The following ABLIM1 variants were observed in gnomAD, a reference collection of about 807,000 sequenced individuals.
The protein encoded by ABLIM1 is actin binding LIM protein 1, also known as actin-binding LIM protein 1.
In ABLIM1, 40 loss-of-function variants were observed where a neutral mutation model predicts 107.0. The observed-to-expected ratio is 0.37, with a 90% CI of 0.29 to 0.49. The LOEUF is 0.49. Ranked by LOEUF, ABLIM1 falls within the 20% of genes least tolerant of loss-of-function variation. The pLI, the probability that ABLIM1 is intolerant of heterozygous loss-of-function variation, is 0.97. For missense variants in ABLIM1, 857 were observed against 1,008.5 expected (o/e 0.85, Z 2.04); for synonymous variants, 357 against 357.3 (o/e 1.00, Z 0.01).
intron 12 of ABLIM1, among the ~76,000 whole-genome samples, chr10:114,454,185 T>C (rs2062393659): frequency 6.6e-6 from 1 of 152,180 alleles, no homozygotes; most frequent in Admixed American, 6.5e-5. Context: ...ATTGAACACC[T>C]ACTATGGCTG....
chr10:114,493,435 T>C (rs1265467870), intron 6 of ABLIM1, among the ~76,000 whole-genome samples: 2 of 152,204 alleles, frequency 1.3e-5, no homozygotes, highest in Admixed American at 6.5e-5. Flanking sequence ...GTATTTATCA[T>C]ATTTAGTGGT....
At chr10:114,599,890 C>T (rs951145514) in intron 2 of ABLIM1, among the ~76,000 whole-genome samples, 9 of 151,994 alleles carry the variant, frequency 5.9e-5, no homozygotes, top group African/African-American at 2.2e-4. Context: ...CCAAATCTAT[C>T]CTTTGAGCCA....
intron 1 of ABLIM1, among the ~76,000 whole-genome samples, chr10:114,670,546 T>G (rs566573804): frequency 7.9e-5 from 12 of 152,280 alleles, no homozygotes. Context: ...CATCCAGGAG[T>G]GCAGCAACTC....
At chr10:114,777,200 G>A in the ABLIM1 span, among the ~76,000 whole-genome samples, 1 of 151,886 alleles carries the variant, frequency 6.6e-6, no homozygotes, top group African/African-American at 2.4e-5. Flanking sequence ...TCTTTGCTGT[G>A]TTCTGCCTGT....
chr10:114,493,949 C>CT (rs1415859844), intron 6 of ABLIM1, among the ~76,000 whole-genome samples: 3 of 152,158 alleles, frequency 2.0e-5, no homozygotes, highest in Admixed American at 2.0e-4. Context: ...AAAAAATACA[C>CT]TTTTTTGTGA....
intron 1 of ABLIM1, among the ~76,000 whole-genome samples, chr10:114,622,410 G>A (rs960107853): frequency 2.6e-5 from 4 of 151,810 alleles, no homozygotes; most frequent in Non-Finnish European, 4.4e-5. Flanking sequence ...CACCATGCAT[G>A]GCTAAATTTT....
intron 1 of ABLIM1, among the ~76,000 whole-genome samples, chr10:114,670,455 T>G (rs2080202631): frequency 6.6e-6 from 1 of 152,226 alleles, no homozygotes; most frequent in Admixed American, 6.5e-5. Flanking sequence ...ATACAATCCC[T>G]CCATCCAGAA....
rs200097045 is a variant in ABLIM1, at chr10:114,615,992, C to A, written c.245-14031G>T. 3.3e-5 allele frequency among the ~76,000 whole-genome samples: 5 copies of A among 152,226 alleles called. No homozygotes were observed. The East Asian group carries it at 9.6e-4, about 29-fold the overall frequency. On this transcript the variant is annotated intron_variant, in intron 1 of 22. Transcript: ENST00000533213. ...AAAGCTAAGTGGCATGTCCCCAGAA[C>A]AGGACATGATGAGTAGTGTTCTACT...
rs192128032 is a variant in ABLIM1, at chr10:114,629,645, G to A, written c.245-27684C>T. Among the ~76,000 whole-genome samples the A allele has an allele frequency of 1.3e-4, 20 of 152,218 alleles. No homozygotes were observed. The highest frequency in any genetic ancestry group is 5.2e-4 in the Admixed American group (8 of 15,288). On this transcript the variant is annotated intron_variant, in intron 1 of 22. Transcript: ENST00000533213. The surrounding 1 kb of genome is among the most constrained non-coding windows in gnomAD (Gnocchi z 4.0). ...TCTCTCATCCACTACATGGTGTGAC[G>A]AGACACAGAGAATGAGTACTTTGTC...
intron 10 of ABLIM1, among the ~76,000 whole-genome samples, chr10:114,468,636 C>A (rs910228855): frequency 4.6e-5 from 7 of 151,992 alleles, no homozygotes; most frequent in African/African-American, 1.7e-4. Context: ...CCAACATGTA[C>A]CTGCCAGCAT....
intron 22 of ABLIM1, among the ~76,000 whole-genome samples, chr10:114,436,696 A>C (rs1447690766): frequency 6.6e-6 from 1 of 152,180 alleles, no homozygotes; most frequent in African/African-American, 2.4e-5. Flanking sequence ...GAGAAGATGC[A>C]GGGAAAATGG....
chr10:114,475,011 A>C (rs954012537), intron 8 of ABLIM1, among the ~76,000 whole-genome samples: 1 of 152,190 alleles, frequency 6.6e-6, no homozygotes, highest in African/African-American at 2.4e-5. Flanking sequence ...GTGGAACTGG[A>C]GTCCATTAAG....
intron 2 of ABLIM1, among the ~76,000 whole-genome samples, chr10:114,577,227 C>G (rs570717243): frequency 1.2e-4 from 19 of 152,286 alleles, no homozygotes; most frequent in African/African-American, 4.1e-4. Context: ...TAATATAAAA[C>G]AGGAAACACA....
At chr10:114,488,320 CCTT>C (rs2058472095) in intron 7 of ABLIM1, among the ~76,000 whole-genome samples, 2 of 151,754 alleles carry the variant, frequency 1.3e-5, no homozygotes, top group African/African-American at 4.8e-5. Flanking sequence ...TATTTTTAAA[CCTT>C]ATTATCATCC....
At chr10:114,508,628 G>T (rs1445115537) in intron 6 of ABLIM1, among the ~76,000 whole-genome samples, 1 of 152,202 alleles carries the variant, frequency 6.6e-6, no homozygotes, top group Non-Finnish European at 1.5e-5. Flanking sequence ...GTTCAAGGCT[G>T]CAATGAGCCA....
chr10:114,719,630 G>T (rs1237317104), intron 1 of ABLIM1, among the ~76,000 whole-genome samples: 1 of 152,212 alleles, frequency 6.6e-6, no homozygotes, highest in African/African-American at 2.4e-5. Context: ...AGGTTTAGAT[G>T]TCACACAGCT....
At chr10:114,487,637 G>A (rs2058378394) in intron 8 of ABLIM1, among the ~76,000 whole-genome samples, 1 of 152,186 alleles carries the variant, frequency 6.6e-6, no homozygotes, top group African/African-American at 2.4e-5. Flanking sequence ...GGTGAGGTCA[G>A]CAGATGCTGC....
At chr10:114,627,093 T>C (rs1023048948) in intron 1 of ABLIM1, among the ~76,000 whole-genome samples, 1 of 152,198 alleles carries the variant, frequency 6.6e-6, no homozygotes, top group Admixed American at 6.5e-5. Context: ...TGGTACTTTG[T>C]TGCAGTGCCA....
intron 1 of ABLIM1, among the ~76,000 whole-genome samples, chr10:114,691,493 A>G (rs138873176): frequency 1.6e-3 from 248 of 152,214 alleles, no homozygotes; most frequent in African/African-American, 5.3e-3. Context: ...CCAGTCTGCT[A>G]TGTTAGAGAG....
Sources: allele counts gnomAD v4.1 joint callset (sites outside exome capture counted in the v4.1 genomes callset), GRCh38; gene constraint gnomAD v4.1.1; non-coding constraint Gnocchi (gnomAD v3.1); transcripts MANE v1.5; gene names NCBI Gene and HGNC (gene_info 2026-07-23, HGNC 2026-07-21).